The following RELN variants were observed in gnomAD, a reference collection of about 807,000 sequenced individuals.
RELN encodes reelin.
RELN carries 108 observed loss-of-function variants against 427.6 expected under a neutral mutation model. The ratio of observed to expected loss-of-function variants is 0.25; its 90% confidence interval spans 0.22 to 0.30. The LOEUF (loss-of-function observed/expected upper bound fraction) is 0.30, where lower values mean the gene tolerates loss of function less well. Among genes scored for constraint, RELN ranks in the 10% least tolerant of loss-of-function variants. The pLI, the probability that RELN is intolerant of heterozygous loss-of-function variation, is 1.00. For synonymous variants in RELN, 1,524 were observed against 1,513.4 expected (o/e 1.01, Z -0.16); for missense variants, 3,715 against 4,302.8 (o/e 0.86, Z 3.82).
intron 24 of RELN, among the ~76,000 whole-genome samples, chr7:103,600,406 G>A (rs1425822687): frequency 6.6e-6 from 1 of 152,156 alleles, no homozygotes; most frequent in Non-Finnish European, 1.5e-5. Context: ...CTGGCCGCCA[G>A]GAGTCTTCCC....
intron 3 of RELN, among the ~76,000 whole-genome samples, chr7:103,810,813 C>A (rs981425417): frequency 6.6e-6 from 1 of 152,146 alleles, no homozygotes. Context: ...ACTTTCTCTC[C>A]CTTTTTAAAG....
intron 8 of RELN, among the ~76,000 whole-genome samples, chr7:103,709,280 G>T (rs1789729701): frequency 6.6e-6 from 1 of 151,984 alleles, no homozygotes; most frequent in Admixed American, 6.6e-5. Context: ...GTATTATCTG[G>T]GTAACAACAT....
chr7:103,947,729 T>C (rs1052005505), intron 1 of RELN, among the ~76,000 whole-genome samples: 2 of 152,182 alleles, frequency 1.3e-5, no homozygotes, highest in African/African-American at 4.8e-5. Context: ...ACAGAAATAT[T>C]CCATTCATAA....
chr7:103,692,148 T>A (rs554080495), intron 10 of RELN, among the ~76,000 whole-genome samples: 1 of 152,312 alleles, frequency 6.6e-6, no homozygotes, highest in East Asian at 1.9e-4. Context: ...ACCCTCTTGA[T>A]ATTTTTCCAG....
At chr7:103,773,426 C>CCTCT (rs60313039) in intron 4 of RELN, among the ~76,000 whole-genome samples, 2 of 46,294 alleles carry the variant, frequency 4.3e-5, no homozygotes, top group Admixed American at 2.6e-4. Context: ...TCCCTCGCTC[C>CCTCT]CTCTCTCTCT....
chr7:103,567,505 C>G (rs569371725), intron 31 of RELN, among the ~76,000 whole-genome samples: 1 of 152,030 alleles, frequency 6.6e-6, no homozygotes, highest in Admixed American at 6.6e-5. Context: ...GAAAAAGTTG[C>G]TAAGGATGAA....
intron 11 of RELN, 85 bp downstream of exon 11, chr7:103,682,031 C>T: frequency 7.6e-7 from 1 of 1,314,642 alleles, no homozygotes; most frequent in Non-Finnish European, 1.1e-6. Context: ...TATGCTTTCG[C>T]CATTTAACAA....
chr7:103,914,496 C>G (rs1018651549), intron 2 of RELN, among the ~76,000 whole-genome samples: 1 of 151,926 alleles, frequency 6.6e-6, no homozygotes, highest in African/African-American at 2.4e-5. Flanking sequence ...GTATATAAGC[C>G]CTGGACTAAG....
intron 36 of RELN, among the ~76,000 whole-genome samples, chr7:103,558,771 C>A (rs1410340314): frequency 6.7e-6 from 1 of 148,350 alleles, no homozygotes; most frequent in African/African-American, 2.5e-5. Flanking sequence ...AACAGAATTT[C>A]ACTATGCAAA....
intron 8 of RELN, 101 bp downstream of exon 8, chr7:103,723,039 C>A: frequency 1.3e-6 from 1 of 741,684 alleles, no homozygotes; most frequent in Non-Finnish European, 2.4e-6. Flanking sequence ...ACTTACTATT[C>A]TGTAAATCCA....
At chr7:103,915,762 C>G (rs1026667255) in intron 2 of RELN, among the ~76,000 whole-genome samples, 1 of 152,114 alleles carries the variant, frequency 6.6e-6, no homozygotes, top group Non-Finnish European at 1.5e-5. Flanking sequence ...ACCTAAAATT[C>G]AAATTTAACA....
chr7:103,760,905 C>A (rs1791282610), intron 4 of RELN, among the ~76,000 whole-genome samples: 1 of 143,904 alleles, frequency 6.9e-6, no homozygotes, highest in Non-Finnish European at 1.5e-5. Context: ...TAATTTATTA[C>A]TTTTTGTATT....
chr7:103,488,746 T>C (rs1828535924), intron 60 of RELN, among the ~76,000 whole-genome samples: 1 of 152,246 alleles, frequency 6.6e-6, no homozygotes, highest in South Asian at 2.1e-4. Flanking sequence ...CTTTCTGATA[T>C]ATGCTGGCTG....
intron 49 of RELN, 109 bp downstream of exon 49, chr7:103,519,214 T>G: frequency 2.4e-6 from 2 of 826,618 alleles, no homozygotes; most frequent in Non-Finnish European, 4.2e-6. Flanking sequence ...CTCAGAGGCA[T>G]CCTCTAGTGA....
At chr7:103,870,351 T>C (rs373994723) in intron 2 of RELN, among the ~76,000 whole-genome samples, 2 of 152,030 alleles carry the variant, frequency 1.3e-5, no homozygotes, top group African/African-American at 4.8e-5. Flanking sequence ...TTCGGTTTTT[T>C]TTTTCTGAAG....
chr7:103,942,369 A>C lies in RELN; in HGVS notation c.227-25184T>G, dbSNP rs183920234. 2.0e-4 allele frequency among the ~76,000 whole-genome samples: 31 copies of C among 152,312 alleles called. No individual in the cohort carries two copies. In the East Asian group the frequency reaches 5.4e-3, roughly 27 times the overall value. On this transcript the variant is annotated intron_variant, in intron 1 of 64. Transcript: ENST00000428762. ...TGAGCTTGAATATTTTAGGGTACAT[A>C]TATAAATGAGATCACAGAGTATTTG...
intron 11 of RELN, among the ~76,000 whole-genome samples, chr7:103,672,903 G>A (rs1562950544): frequency 6.6e-6 from 1 of 151,912 alleles, no homozygotes; most frequent in South Asian, 2.1e-4. Flanking sequence ...TCCCTTTTTG[G>A]TCTTTTAATG....
intron 3 of RELN, among the ~76,000 whole-genome samples, 178 bp from the exon 4 acceptor site, chr7:103,776,805 T>C (rs1791754212): frequency 6.6e-6 from 1 of 152,196 alleles, no homozygotes; most frequent in South Asian, 2.1e-4. Flanking sequence ...CCAAGGCACC[T>C]GGGTTGAGGA....
intron 44 of RELN, 65 bp from the exon 45 acceptor site, chr7:103,539,392 T>G (rs1830126479): frequency 3.3e-6 from 5 of 1,533,112 alleles, no homozygotes; most frequent in Middle Eastern, 1.7e-4. Context: ...AAGTTCTGCC[T>G]TTTTCGTTTG....
Sources: gnomAD v4.1 joint callset for allele counts (sites outside exome capture counted in the v4.1 genomes callset) on GRCh38, gnomAD v4.1.1 for gene constraint, MANE v1.5 for transcripts, NCBI Gene and HGNC (gene_info 2026-07-23, HGNC 2026-07-21) for gene names.